The following ZNF536 variants were observed in gnomAD, a reference collection of about 807,000 sequenced individuals.
ZNF536 encodes zinc finger protein 536.
Under a neutral mutation model 84.5 loss-of-function variants are expected in ZNF536, and 13 were observed. The ratio of observed to expected loss-of-function variants is 0.15; its 90% CI spans 0.10 to 0.24. The LOEUF (loss-of-function observed/expected upper bound fraction) is 0.24. Ranked by LOEUF, ZNF536 falls within the 10% of genes least tolerant of loss-of-function variation. The pLI is 1.00. For synonymous variants in ZNF536, 811 were observed against 742.5 expected, an observed-to-expected ratio of 1.09 and a Z score of -1.50; for missense variants, 1,536 against 1,747.5, an observed-to-expected ratio of 0.88 and a Z score of 2.16.
intron 1 of ZNF536, among the ~76,000 whole-genome samples, chr19:30,650,386 T>C (rs1003507600): frequency 6.6e-6 from 1 of 152,206 alleles, no homozygotes; most frequent in African/African-American, 2.4e-5. Context: ...GGCCTAGAAC[T>C]AAATGTGCTG....
At chr19:30,700,242 C>CTTCTTTCTTTCTT (rs57308094) in intron 1 of ZNF536, among the ~76,000 whole-genome samples, 1 of 104,308 alleles carries the variant, frequency 9.6e-6, no homozygotes, top group Non-Finnish European at 1.9e-5. Context: ...CTTTCTTTCT[C>CTTCTTTCTTTCTT]TCTCTCTCTC....
chr19:30,415,980 C>A (rs1204127365), intron 1 of ZNF536, among the ~76,000 whole-genome samples: 1 of 152,186 alleles, frequency 6.6e-6, no homozygotes, highest in East Asian at 1.9e-4. Flanking sequence ...GTATTAGACA[C>A]TTTGGATTGT....
chr19:30,605,780 C>A (rs2146975814), intron 1 of ZNF536, among the ~76,000 whole-genome samples: 1 of 152,246 alleles, frequency 6.6e-6, no homozygotes, highest in East Asian at 1.9e-4. Context: ...TTTGACATCA[C>A]TGTATCTTGC....
chr19:30,694,925 G>A (rs879276822), intron 1 of ZNF536, among the ~76,000 whole-genome samples: 2 of 152,202 alleles, frequency 1.3e-5, no homozygotes, highest in African/African-American at 2.4e-5. Context: ...TCTTGGAGAT[G>A]TGATTGGGAT....
chr19:30,426,100 C>T (rs761952032), intron 1 of ZNF536, among the ~76,000 whole-genome samples: 2 of 152,174 alleles, frequency 1.3e-5, no homozygotes, highest in African/African-American at 2.4e-5. Flanking sequence ...TCTACTTTGG[C>T]AGGATCTCTG....
At chr19:30,639,134 C>G (rs528240733) in intron 1 of ZNF536, among the ~76,000 whole-genome samples, 158 of 152,150 alleles carry the variant, frequency 1.0e-3, no homozygotes, top group African/African-American at 3.7e-3. Context: ...TCCTGGTGTT[C>G]CTGGTAATTT....
intron 2 of ZNF536, among the ~76,000 whole-genome samples, chr19:30,484,074 G>A (rs948332429): frequency 6.6e-6 from 1 of 151,874 alleles, no homozygotes; most frequent in Admixed American, 6.6e-5. Context: ...CATCCCCGCT[G>A]GTGCACCCTG....
chr19:30,545,511 C>A (rs2045514754), intron 3 of ZNF536, among the ~76,000 whole-genome samples: 3 of 150,002 alleles, frequency 2.0e-5, no homozygotes, highest in African/African-American at 7.4e-5. Context: ...CATTCTCCTG[C>A]CTCAGCCTCC....
intron 2 of ZNF536, among the ~76,000 whole-genome samples, chr19:30,527,122 T>C (rs551782112): frequency 6.6e-6 from 1 of 152,006 alleles, no homozygotes; most frequent in South Asian, 2.1e-4. Context: ...TTTCACCATA[T>C]TGGCCAGGTT....
intron 2 of ZNF536, among the ~76,000 whole-genome samples, chr19:30,338,483 G>GTGATGA (rs113886104): frequency 0.24 from 36,298 of 149,280 alleles, 4,565 homozygotes; most frequent in East Asian, 0.34. Flanking sequence ...AATGATGATA[G>GTGATGA]TGATGATGAT....
intron 4 of ZNF536, chr19:30,556,776 A>G (rs2045978416): frequency 6.5e-6 from 1 of 154,128 alleles, no homozygotes; most frequent in Non-Finnish European, 1.4e-5. Flanking sequence ...GTCTGGTAGC[A>G]TTAATTTTAG....
At chr19:30,264,123 A>AT (rs1190777618) in intron 1 of ZNF536, among the ~76,000 whole-genome samples, 4 of 152,184 alleles carry the variant, frequency 2.6e-5, no homozygotes, top group Non-Finnish European at 5.9e-5. Context: ...GCCACCCACC[A>AT]TGGTGGCGCT....
intron 2 of ZNF536, among the ~76,000 whole-genome samples, chr19:30,485,442 A>G (rs2054267701): frequency 6.6e-6 from 1 of 152,208 alleles, no homozygotes; most frequent in South Asian, 2.1e-4. Flanking sequence ...TGCAACCTTT[A>G]GCTAGCAACT....
intron 3 of ZNF536, among the ~76,000 whole-genome samples, chr19:30,545,547 A>G (rs1332369433): frequency 6.6e-6 from 1 of 151,268 alleles, no homozygotes; most frequent in East Asian, 2.0e-4. Flanking sequence ...ACAGGCACCC[A>G]CCACCACGCC....
chr19:30,662,580 A>G, intron 1 of ZNF536, among the ~76,000 whole-genome samples: 1 of 151,648 alleles, frequency 6.6e-6, no homozygotes. Flanking sequence ...TTTTTAATGT[A>G]TCTGGTTGTT....
chr19:30,441,291 G>A (rs1878186110), intron 1 of ZNF536, among the ~76,000 whole-genome samples: 1 of 152,250 alleles, frequency 6.6e-6, no homozygotes, highest in South Asian at 2.1e-4. Flanking sequence ...GTGGAATTCT[G>A]AGCAATCCTG....
chr19:30,401,543 T>C (rs980620962), intron 1 of ZNF536, among the ~76,000 whole-genome samples: 3 of 152,256 alleles, frequency 2.0e-5, no homozygotes, highest in African/African-American at 7.2e-5. Flanking sequence ...CACTACTGTT[T>C]TGGGTCTCTT....
chr19:30,263,820 A>C (rs2025352004), intron 1 of ZNF536, among the ~76,000 whole-genome samples: 1 of 151,998 alleles, frequency 6.6e-6, no homozygotes, highest in Non-Finnish European at 1.5e-5. Context: ...CTCCTGATGC[A>C]TCTCTCTAGA....
rs1568438382 is a variant in ZNF536 at position 30,445,339 on chromosome 19, G to A, written c.1777G>A (p.Asp593Asn). 2 of 1,614,190 alleles carry A rather than the reference G, an allele frequency of 1.2e-6. No homozygotes were observed. The highest frequency in any genetic ancestry group is 2.2e-5 in the South Asian group (2 of 91,084). The change falls in exon 2 of 5, where the codon GAC (aspartate) becomes AAC (asparagine). Residue 593 changes from aspartate (D) to asparagine (N), a missense_variant. Physicochemically the swap from Asp to Asn is conservative, Grantham distance 23 (BLOSUM62 1). Coordinates refer to ENST00000355537, the MANE Select transcript of ZNF536 (RefSeq NM_014717.3). This position sits in a 1 kb window ranked among gnomAD's most constrained non-coding sequence, Gnocchi z 4.5. The part of the protein sequence containing the change: ...VHSTKVGSQR[D>N]LPSKLDPLES... ...CAGCACTAAAGTGGGCAGCCAGAGAGACCTGCCAAGTAAGCTCGACCCTTT... is the reference window on the plus strand; with the variant it reads ...CAGCACTAAAGTGGGCAGCCAGAGAAACCTGCCAAGTAAGCTCGACCCTTT...
Sources: gnomAD v4.1 joint callset for allele counts (sites outside exome capture counted in the v4.1 genomes callset) on GRCh38, gnomAD v4.1.1 for gene constraint, Gnocchi (gnomAD v3.1) non-coding constraint, MANE v1.5 for transcripts, NCBI Gene and HGNC (gene_info 2026-07-23, HGNC 2026-07-21) for gene names.